The following ADGRL3 variants were observed in gnomAD, a reference collection of about 807,000 sequenced individuals.
The protein encoded by ADGRL3 is adhesion G protein-coupled receptor L3.
In ADGRL3, 62 loss-of-function variants were observed where a neutral mutation model predicts 153.5. That is an observed-to-expected ratio of 0.40 (90% confidence interval 0.33 to 0.50). The LOEUF is 0.50. Ranked by LOEUF, ADGRL3 falls within the 20% of genes least tolerant of loss-of-function variation. The pLI is 0.47. For missense variants in ADGRL3, 1,641 were observed against 1,859.4 expected (o/e 0.88, Z 2.16); for synonymous variants, 710 against 672.5 (o/e 1.06, Z -0.86).
chr4:61,565,167 A>G (rs776671454), intron 4 of ADGRL3, among the ~76,000 whole-genome samples: 1 of 152,202 alleles, frequency 6.6e-6, no homozygotes, highest in Non-Finnish European at 1.5e-5. Flanking sequence ...AAAACACAGT[A>G]TCTGGGAAGT....
intron 5 of ADGRL3, among the ~76,000 whole-genome samples, chr4:61,592,073 CA>C (rs34116654): frequency 0.052 from 6,418 of 123,574 alleles, 247 homozygotes; most frequent in East Asian, 0.25. Context: ...GAAACTGCTT[CA>C]AAAAAAAAAA....
intron 8 of ADGRL3, among the ~76,000 whole-genome samples, chr4:61,785,503 T>C (rs2097266130): frequency 6.6e-6 from 1 of 152,166 alleles, no homozygotes; most frequent in Non-Finnish European, 1.5e-5. Flanking sequence ...CTGTTAATGA[T>C]TGGAACCTGA....
intron 5 of ADGRL3, among the ~76,000 whole-genome samples, chr4:61,651,247 C>T (rs993894832): frequency 3.7e-4 from 57 of 152,216 alleles, no homozygotes; most frequent in Non-Finnish European, 6.5e-4. Flanking sequence ...AGAATAATTG[C>T]TATCTCCAAA....
chr4:61,325,969 G>T (rs2095456182), intron 1 of ADGRL3, among the ~76,000 whole-genome samples: 1 of 152,092 alleles, frequency 6.6e-6, no homozygotes. Flanking sequence ...TGGCAACAGA[G>T]AAACTGGAAC....
chr4:61,798,418 TG>T (rs1269695941), intron 8 of ADGRL3, among the ~76,000 whole-genome samples: 1 of 152,170 alleles, frequency 6.6e-6, no homozygotes, highest in African/African-American at 2.4e-5. Flanking sequence ...CATACACATA[TG>T]TTTCTGAAAT....
chr4:61,498,592 T>C (rs1209038950), intron 3 of ADGRL3, among the ~76,000 whole-genome samples: 1 of 152,000 alleles, frequency 6.6e-6, no homozygotes, highest in Non-Finnish European at 1.5e-5. Context: ...ATAATATTAA[T>C]GTGTGTTTTC....
intron 21 of ADGRL3, among the ~76,000 whole-genome samples, chr4:62,023,775 A>G (rs1716679533): frequency 1.3e-5 from 2 of 152,172 alleles, no homozygotes; most frequent in Non-Finnish European, 2.9e-5. Flanking sequence ...TGCGTGCTTA[A>G]TAGACTACAA....
intron 1 of ADGRL3, among the ~76,000 whole-genome samples, chr4:61,304,163 C>T (rs1453581908): frequency 6.6e-6 from 1 of 152,180 alleles, no homozygotes; most frequent in East Asian, 1.9e-4. Context: ...TGTTGCTTTT[C>T]TGCTGATTCA....
chr4:61,808,675 T>C (rs2148542944), intron 8 of ADGRL3, among the ~76,000 whole-genome samples: 1 of 152,236 alleles, frequency 6.6e-6, no homozygotes, highest in African/African-American at 2.4e-5. Flanking sequence ...GCTGTTATAA[T>C]GCTAGGCATG....
intron 8 of ADGRL3, among the ~76,000 whole-genome samples, chr4:61,808,989 A>G (rs1193612836): frequency 6.6e-6 from 1 of 151,770 alleles, no homozygotes; most frequent in Non-Finnish European, 1.5e-5. Context: ...ATTATTAAAA[A>G]CCTCAAGAGT....
intron 6 of ADGRL3, among the ~76,000 whole-genome samples, chr4:61,678,195 G>C (rs1057265096): frequency 6.6e-6 from 1 of 151,846 alleles, no homozygotes; most frequent in Non-Finnish European, 1.5e-5. Context: ...AACCATCCTG[G>C]AATTGGGACA....
intron 2 of ADGRL3, chr4:61,420,536 A>G (rs1363724730): frequency 6.6e-6 from 1 of 150,542 alleles, no homozygotes; most frequent in Non-Finnish European, 1.5e-5. Context: ...CCTCCCGAGT[A>G]GCTGGGACCA....
chr4:61,283,139 C>A (rs1022586561), intron 1 of ADGRL3, among the ~76,000 whole-genome samples: 1 of 151,996 alleles, frequency 6.6e-6, no homozygotes, highest in African/African-American at 2.4e-5. Context: ...AGCTAACTGG[C>A]AGATCACACT....
At chr4:61,773,663 C>T (rs2097111726) in intron 8 of ADGRL3, among the ~76,000 whole-genome samples, 1 of 151,992 alleles carries the variant, frequency 6.6e-6, no homozygotes, top group Non-Finnish European at 1.5e-5. Context: ...AGGAAAAAAA[C>T]CCTTTTTCCT....
chr4:62,063,608 T>C, intron 25 of ADGRL3: 1 of 698,624 alleles, frequency 1.4e-6, no homozygotes. Context: ...GTAACAACCC[T>C]TCTGTCAGCA....
chr4:62,047,955 A>G (rs1011497120), intron 25 of ADGRL3, among the ~76,000 whole-genome samples: 1 of 152,162 alleles, frequency 6.6e-6, no homozygotes, highest in African/African-American at 2.4e-5. Flanking sequence ...TTCAACAAAG[A>G]TGAACTCTAG....
chr4:61,641,655 A>C (rs1479584020), intron 5 of ADGRL3, among the ~76,000 whole-genome samples: 1 of 151,858 alleles, frequency 6.6e-6, no homozygotes, highest in Non-Finnish European at 1.5e-5. Context: ...CATGGTGTAT[A>C]TGTGCCACAT....
intron 1 of ADGRL3, among the ~76,000 whole-genome samples, chr4:61,211,456 G>A (rs748477763): frequency 6.6e-6 from 1 of 152,162 alleles, no homozygotes; most frequent in Non-Finnish European, 1.5e-5. Flanking sequence ...CTCTGTGGAC[G>A]AATGGATAGT....
intron 1 of ADGRL3, among the ~76,000 whole-genome samples, chr4:61,273,708 AG>A (rs1454073729): frequency 3.9e-5 from 6 of 152,204 alleles, no homozygotes; most frequent in Non-Finnish European, 7.3e-5. Context: ...ATCAATTCAC[AG>A]CTGCATTTAA....
Sources: allele counts gnomAD v4.1 joint callset (sites outside exome capture counted in the v4.1 genomes callset), GRCh38; gene constraint gnomAD v4.1.1; transcripts MANE v1.5; gene names NCBI Gene and HGNC (gene_info 2026-07-23, HGNC 2026-07-21).